PCGF3: variants seen among roughly 807,000 people sequenced by gnomAD.
The protein encoded by PCGF3 is polycomb group ring finger 3.
A neutral mutation model predicts 33.1 loss-of-function variants in PCGF3; 7 were observed. The observed-to-expected ratio is 0.21, with a 90% confidence interval of 0.12 to 0.40. PCGF3 has a LOEUF of 0.40. PCGF3 is among the 10% of genes least tolerant of loss of function. The pLI is 1.00. For missense variants in PCGF3, 211 were observed against 313.3 expected, an observed-to-expected ratio of 0.67 and a Z score of 2.46; for synonymous variants, 153 against 121.3, an observed-to-expected ratio of 1.26 and a Z score of -1.72.
chr4:713,419 C>T (rs910019002), intron 1 of PCGF3, among the ~76,000 whole-genome samples: 1 of 121,726 alleles, frequency 8.2e-6, no homozygotes. Context: ...GCTGTGGCCT[C>T]GTGGGGGCTG....
chr4:743,178 G>T (rs180679536), intron 6 of PCGF3, among the ~76,000 whole-genome samples: 359 of 152,338 alleles, frequency 2.4e-3, no homozygotes, highest in Non-Finnish European at 3.5e-3. Context: ...CAGTGGCTGA[G>T]GTGGGGATGA....
intron 8 of PCGF3, among the ~76,000 whole-genome samples, chr4:749,114 T>C (rs1744398930): frequency 6.6e-6 from 1 of 152,266 alleles, no homozygotes; most frequent in African/African-American, 2.4e-5. Flanking sequence ...TAAAGATTTA[T>C]TTGTTGCTTT....
chr4:731,032 G>A, exon 3 of PCGF3: 1 of 398,634 alleles, frequency 2.5e-6, no homozygotes, highest in Admixed American at 4.4e-5. Context: ...GCGGAGCCAG[G>A]AGGCAGCGTC....
At chr4:760,470 AG>A (rs761337461) in intron 8 of PCGF3, among the ~76,000 whole-genome samples, 35 of 152,152 alleles carry the variant, frequency 2.3e-4, no homozygotes, top group Non-Finnish European at 4.7e-4. Context: ...TTTTATTTTT[AG>A]AAATTGTATC....
intron 6 of PCGF3, among the ~76,000 whole-genome samples, chr4:738,572 G>A (rs1743942728): frequency 1.3e-5 from 2 of 151,494 alleles, no homozygotes; most frequent in East Asian, 2.0e-4. Flanking sequence ...GTTTGTGGCC[G>A]GGTGCAGTGG....
exon 11 of PCGF3, chr4:766,388 C>G (rs993965820): frequency 3.7e-6 from 1 of 268,344 alleles, no homozygotes; most frequent in Admixed American, 5.4e-5. Context: ...ACACGAGCTC[C>G]CTCTGCTTGC....
intron 1 of PCGF3, among the ~76,000 whole-genome samples, chr4:715,869 G>A (rs780794886): frequency 1.1e-3 from 105 of 99,236 alleles, no homozygotes; most frequent in South Asian, 2.2e-3. Context: ...AGAACTGGGT[G>A]TCGGTGCTGG....
chr4:730,915 G>T, intron 2 of PCGF3, 55 bp from the exon 3 acceptor site: 1 of 397,814 alleles, frequency 2.5e-6, no homozygotes, highest in East Asian at 3.6e-5. Context: ...GCGGAGTTGT[G>T]GCAGTCACAC....
intron 3 of PCGF3, among the ~76,000 whole-genome samples, chr4:732,695 G>A (rs1164481165): frequency 2.6e-5 from 4 of 152,168 alleles, no homozygotes; most frequent in African/African-American, 9.6e-5. Flanking sequence ...GGTGATGACG[G>A]AAGTGGTGTC....
intron 6 of PCGF3, 138 bp from the exon 7 acceptor site, chr4:743,336 T>G: frequency 1.6e-6 from 1 of 617,886 alleles, no homozygotes; most frequent in Non-Finnish European, 2.9e-6. Flanking sequence ...ATCTCAGTCT[T>G]AATTTGCTGC....
chr4:749,023 T>C (rs1452820902), intron 8 of PCGF3, among the ~76,000 whole-genome samples: 1 of 152,236 alleles, frequency 6.6e-6, no homozygotes, highest in Non-Finnish European at 1.5e-5. Context: ...TCCTCCAGTT[T>C]AATCTCTGTT....
rs376103112 is a variant in PCGF3, at chr4:724,796, T to TCACA, written c.-189-5823_-189-5820dup. ...CTGGGCGACAGAGCGAGATTCCGTCTCACACACACACACAAAAAATTAGTT... is the reference window on the plus strand; with the variant it reads ...CTGGGCGACAGAGCGAGATTCCGTCTCACACACACACACACACAAAAAATTAGTT... On this transcript the variant is annotated intron_variant, in intron 1 of 10. Coordinates refer to ENST00000362003, the Ensembl canonical transcript of PCGF3. Among the ~76,000 whole-genome samples, 22 of 151,646 alleles carry TCACA rather than the reference T, an allele frequency of 1.5e-4. No individual in the cohort carries two copies. The East Asian group carries it at 4.1e-3, about 28-fold the overall frequency.
exon 11 of PCGF3, chr4:767,309 C>A (rs1745425783): frequency 6.6e-6 from 1 of 151,770 alleles, no homozygotes; most frequent in Non-Finnish European, 1.5e-5. Flanking sequence ...AACAGCCACA[C>A]ACACATTTTT....
chr4:758,596 T>G lies in PCGF3; in HGVS notation c.463-2683T>G, dbSNP rs528803433. 1.3e-4 allele frequency among the ~76,000 whole-genome samples: 18 copies of G among 135,156 alleles called. 1 individual carries two copies. The highest frequency in any genetic ancestry group is 2.2e-4 in the East Asian group (1 of 4,470). 88.7% of individuals were successfully genotyped at this position (135,156 alleles called of 152,430 possible). ...CCCGCACGGCCCCTCCCCCGAGTTC[T>G]TCTCCATCCCGACTCCAGTTCTTTC... On this transcript the variant is annotated intron_variant, in intron 8 of 10. Transcript: ENST00000362003.
intron 1 of PCGF3, among the ~76,000 whole-genome samples, chr4:730,093 T>C (rs4317149): frequency 0.7 from 106,082 of 151,410 alleles, 37,946 homozygotes; most frequent in African/African-American, 0.83. Context: ...TCATCCCCAC[T>C]GAGCCCAACA....
Position 764,889 on chromosome 4 carries a change from G to A in PCGF3, c.601-95G>A, listed in dbSNP as rs1745277555. On this transcript the variant is annotated intron_variant, in intron 9 of 10. Transcript: ENST00000362003. ...CTCTAGGCACGTTCTTGCATGATTG[G>A]GGAGGGGCTGCAGATTTCATACCAG... is the stretch of plus-strand genomic sequence containing the variant. 8 of 792,244 alleles carry A rather than the reference G, an allele frequency of 1.0e-5. No homozygotes were observed. In the South Asian group the frequency reaches 1.2e-4, roughly 12 times the overall value. The allele number at this position is 792,244 out of a possible 1,614,324, so 49.1% of individuals were successfully genotyped here.
At chr4:731,485 A>G (rs572775340) in intron 3 of PCGF3, 3 of 255,028 alleles carry the variant, frequency 1.2e-5, no homozygotes, top group African/African-American at 4.8e-5. Flanking sequence ...GGGCAGGGCT[A>G]TCTCTCCCCT....
chr4:735,657 G>A (rs1379463862), intron 5 of PCGF3, among the ~76,000 whole-genome samples: 2 of 152,248 alleles, frequency 1.3e-5, no homozygotes, highest in African/African-American at 2.4e-5. Context: ...GATGTGAGCC[G>A]GCCCTTGGAT....
chr4:712,509 G>A lies in PCGF3; in HGVS notation c.-190+6539G>A, dbSNP rs1010250647. ...GTAGCCCAGGCTGGAGTGCAGTGGC[G>A]CGATCTCGGCTCACTGCAACCTCCG... is the stretch of plus-strand genomic sequence containing the variant. On this transcript the variant is annotated intron_variant, in intron 1 of 10. Coordinates refer to ENST00000362003, the Ensembl canonical transcript of PCGF3. Among the ~76,000 whole-genome samples, 7 of 152,262 alleles carry A rather than the reference G, an allele frequency of 4.6e-5. No individual in the cohort carries two copies. The East Asian group carries it at 9.6e-4, about 21-fold the overall frequency.
Sources: gnomAD v4.1 joint callset for allele counts (sites outside exome capture counted in the v4.1 genomes callset) on GRCh38, gnomAD v4.1.1 for gene constraint, MANE v1.5 for transcripts, NCBI Gene and HGNC (gene_info 2026-07-23, HGNC 2026-07-21) for gene names.